MACROD2: variants seen among roughly 807,000 people sequenced by gnomAD.
MACROD2 encodes the protein mono-ADP ribosylhydrolase 2.
A neutral mutation model predicts 70.4 loss-of-function variants in MACROD2; 36 were observed. That is an observed-to-expected ratio of 0.51 (90% CI 0.39 to 0.68). The LOEUF (loss-of-function observed/expected upper bound fraction) is 0.68. Ranked by LOEUF, MACROD2 falls within the 30% of genes least tolerant of loss-of-function variation. MACROD2 has a pLI of 0.00. For missense variants in MACROD2, 496 were observed against 538.4 expected, an observed-to-expected ratio of 0.92 and a Z score of 0.78; for synonymous variants, 172 against 178.8, an observed-to-expected ratio of 0.96 and a Z score of 0.30.
intron 3 of MACROD2, among the ~76,000 whole-genome samples, chr20:14,194,333 A>T (rs1420764855): frequency 6.6e-6 from 1 of 152,128 alleles, no homozygotes; most frequent in Non-Finnish European, 1.5e-5. Flanking sequence ...CCCAGCCAAG[A>T]TTGGGATCAC....
chr20:15,473,647 C>T (rs1274118794), intron 7 of MACROD2, among the ~76,000 whole-genome samples: 1 of 152,216 alleles, frequency 6.6e-6, no homozygotes, highest in Non-Finnish European at 1.5e-5. Context: ...AGGAATTCTA[C>T]ACTTGCATGC....
Position 15,933,509 on chromosome 20 carries a change from T to C in MACROD2, c.838+171T>C, listed in dbSNP as rs572401303. On this transcript the variant is annotated intron_variant, in intron 11 of 17. Transcript: ENST00000684519. ...CCATCTCCGATAACTATGAGTTGAGTGCTTTCAAACAGAGTGGCACATTCT... is the reference window on the plus strand; with the variant it reads ...CCATCTCCGATAACTATGAGTTGAGCGCTTTCAAACAGAGTGGCACATTCT... The C allele has an allele frequency of 1.8e-4, 102 of 555,142 alleles. No homozygotes were observed. The Middle Eastern group carries it at 2.3e-3, about 13-fold the overall frequency. 34.4% of individuals were successfully genotyped at this position (555,142 alleles called of 1,614,324 possible).
intron 3 of MACROD2, among the ~76,000 whole-genome samples, chr20:14,274,152 A>G (rs916226833): frequency 1.1e-4 from 16 of 152,348 alleles, no homozygotes; most frequent in African/African-American, 3.8e-4. Context: ...TTATGAGGCC[A>G]GCATCATCCT....
At chr20:15,145,420 G>A (rs1453524737) in intron 5 of MACROD2, among the ~76,000 whole-genome samples, 4 of 151,936 alleles carry the variant, frequency 2.6e-5, no homozygotes, top group Non-Finnish European at 1.5e-5. Context: ...ACAAATAAAG[G>A]CCACTTTTAT....
intron 8 of MACROD2, among the ~76,000 whole-genome samples, chr20:15,516,001 G>T (rs1017720278): frequency 2.0e-5 from 3 of 152,190 alleles, no homozygotes; most frequent in Admixed American, 6.5e-5. Context: ...CTGAGCTTAT[G>T]ATCTGTTGAT....
At chr20:14,536,382 C>T (rs932988781) in intron 4 of MACROD2, among the ~76,000 whole-genome samples, 3 of 151,746 alleles carry the variant, frequency 2.0e-5, no homozygotes, top group Non-Finnish European at 4.4e-5. Context: ...GAGAAATGAG[C>T]TTAGTTTTAT....
chr20:14,952,025 C>T (rs1386629289), intron 5 of MACROD2, among the ~76,000 whole-genome samples: 2 of 151,952 alleles, frequency 1.3e-5, no homozygotes, highest in African/African-American at 4.8e-5. Flanking sequence ...CTCTCCCATA[C>T]CATCCTGCCC....
chr20:14,020,407 T>G (rs985859315), intron 2 of MACROD2, among the ~76,000 whole-genome samples: 2 of 152,038 alleles, frequency 1.3e-5, no homozygotes, highest in Non-Finnish European at 2.9e-5. Flanking sequence ...TGGGAGGTGG[T>G]GGCTGCAGTG....
At chr20:14,786,886 G>A (rs898437235) in intron 5 of MACROD2, among the ~76,000 whole-genome samples, 34 of 152,038 alleles carry the variant, frequency 2.2e-4, no homozygotes, top group African/African-American at 8.2e-4. Flanking sequence ...AAAGAAAGAG[G>A]CAATGTGGCA....
chr20:15,159,321 T>TC (rs1237117605), intron 5 of MACROD2, among the ~76,000 whole-genome samples: 18 of 152,234 alleles, frequency 1.2e-4, no homozygotes, highest in African/African-American at 4.1e-4. Flanking sequence ...TGCCTTTTTT[T>TC]CCCTCTCTTT....
chr20:15,110,726 G>A (rs566744345), intron 5 of MACROD2, among the ~76,000 whole-genome samples: 4 of 152,272 alleles, frequency 2.6e-5, no homozygotes, highest in South Asian at 2.1e-4. Context: ...GGGACTATGC[G>A]TGTCTCTGAA....
At chr20:14,881,431 C>T (rs778182024) in intron 5 of MACROD2, among the ~76,000 whole-genome samples, 9 of 152,016 alleles carry the variant, frequency 5.9e-5, no homozygotes, top group Middle Eastern at 3.4e-3. Flanking sequence ...CTTCCCTGTG[C>T]CTCAGACTTC....
chr20:14,626,328 C>G (rs1459216309), intron 4 of MACROD2, among the ~76,000 whole-genome samples: 2 of 152,078 alleles, frequency 1.3e-5, no homozygotes, highest in African/African-American at 4.8e-5. Context: ...TGCAAGGAAC[C>G]AGCTTGGAGA....
chr20:15,489,802 C>T (rs1448858962), intron 7 of MACROD2, among the ~76,000 whole-genome samples: 2 of 152,112 alleles, frequency 1.3e-5, no homozygotes, highest in African/African-American at 4.8e-5. Context: ...ATGCCAGGTT[C>T]CAGGCTCCAG....
intron 5 of MACROD2, among the ~76,000 whole-genome samples, chr20:14,981,021 A>AGTGT (rs11468972): frequency 0.023 from 3,293 of 143,708 alleles, 104 homozygotes; most frequent in African/African-American, 0.075. Context: ...TACAAAAAGA[A>AGTGT]GTGTGTGTGT....
intron 3 of MACROD2, among the ~76,000 whole-genome samples, chr20:14,422,218 C>T (rs1379636427): frequency 1.3e-5 from 2 of 152,142 alleles, no homozygotes; most frequent in African/African-American, 4.8e-5. Context: ...AGTATAGCAA[C>T]CCCAACTATC....
intron 8 of MACROD2, among the ~76,000 whole-genome samples, chr20:15,727,378 C>T (rs931971096): frequency 1.3e-5 from 2 of 152,142 alleles, no homozygotes; most frequent in East Asian, 1.9e-4. Context: ...AATGTGATGG[C>T]TCCAGCTTTG....
At chr20:15,909,271 C>T (rs2065196629) in intron 10 of MACROD2, among the ~76,000 whole-genome samples, 1 of 152,082 alleles carries the variant, frequency 6.6e-6, no homozygotes, top group African/African-American at 2.4e-5. Flanking sequence ...ACCCAGAGCT[C>T]CCATAGTGAT....
chr20:15,995,669 T>TTTTTTTTTTTTTTTTA (rs60643900), intron 15 of MACROD2, among the ~76,000 whole-genome samples: 1 of 125,748 alleles, frequency 8.0e-6, no homozygotes, highest in Non-Finnish European at 1.8e-5. Context: ...TTTTTTTTTT[T>TTTTTTTTTTTTTTTTA]AACTTTTTAA....
Sources: gnomAD v4.1 joint callset for allele counts (sites outside exome capture counted in the v4.1 genomes callset) on GRCh38, gnomAD v4.1.1 for gene constraint, MANE v1.5 for transcripts, NCBI Gene and HGNC (gene_info 2026-07-23, HGNC 2026-07-21) for gene names.